The following ABHD2 variants were observed in gnomAD, a reference collection of about 807,000 sequenced individuals.
ABHD2 encodes monoacylglycerol lipase ABHD2.
Under a neutral mutation model 48.1 loss-of-function variants are expected in ABHD2, and 20 were observed. The ratio of observed to expected loss-of-function variants is 0.42; its 90% CI spans 0.29 to 0.60. The LOEUF (loss-of-function observed/expected upper bound fraction) is 0.60. Among genes scored for constraint, ABHD2 ranks in the 20% least tolerant of loss-of-function variants. The pLI is 0.24. For missense variants in ABHD2, 405 were observed against 550.9 expected (o/e 0.74, Z 2.65); for synonymous variants, 209 against 214.2 (o/e 0.98, Z 0.21).
chr15:89,165,734 A>G (rs1023762955), intron 5 of ABHD2, among the ~76,000 whole-genome samples: 1 of 152,268 alleles, frequency 6.6e-6, no homozygotes, highest in Non-Finnish European at 1.5e-5. Flanking sequence ...TTTATTATAA[A>G]GAGCCTAATC....
chr15:89,150,780 T>C (rs2050577662), intron 3 of ABHD2, among the ~76,000 whole-genome samples: 1 of 152,238 alleles, frequency 6.6e-6, no homozygotes, highest in Non-Finnish European at 1.5e-5. Context: ...CATTTTATAT[T>C]ATACGACTCC....
intron 3 of ABHD2, among the ~76,000 whole-genome samples, chr15:89,144,699 G>A (rs1428980659): frequency 6.6e-6 from 1 of 152,166 alleles, no homozygotes; most frequent in Admixed American, 6.5e-5. Context: ...GGAGAAAATG[G>A]GAAGTGACTG....
chr15:89,127,341 G>A (rs2050144873), intron 3 of ABHD2, among the ~76,000 whole-genome samples: 1 of 152,058 alleles, frequency 6.6e-6, no homozygotes, highest in African/African-American at 2.4e-5. Flanking sequence ...CAAAACATTT[G>A]GGAACCCTGC....
intron 3 of ABHD2, among the ~76,000 whole-genome samples, chr15:89,147,523 T>A (rs1297443580): frequency 6.6e-6 from 1 of 151,274 alleles, no homozygotes; most frequent in Non-Finnish European, 1.5e-5. Context: ...CCGGCTAATT[T>A]TTTGTATTTT....
rs115295866 is a variant in ABHD2, at chr15:89,198,801, G to A, written c.*3378G>A. On this transcript the variant is annotated 3_prime_UTR_variant, in exon 11 of 11. Coordinates refer to ENST00000352732, the MANE Select transcript of ABHD2 (RefSeq NM_152924.5). The surrounding 1 kb of genome is among the most constrained non-coding windows in gnomAD (Gnocchi z 5.1). ...GGAAACAGCTGTGTCAAGGCTCAAG[G>A]CTCACGCTGAGGGGACTTGGAGGGA... is the stretch of plus-strand genomic sequence containing the variant. 1.8e-4 allele frequency: 27 copies of A among 152,360 alleles called. No individual in the cohort carries two copies. Among genetic ancestry groups the A allele is most frequent in the African/African-American group, 6.5e-4 (27 of 41,572 alleles). 9.4% of individuals were successfully genotyped at this position (152,360 alleles called of 1,614,324 possible).
rs2051465208 is a variant in ABHD2 at position 89,201,513 on chromosome 15, A to G, written c.*6090A>G. On this transcript the variant is annotated 3_prime_UTR_variant, in exon 11 of 11. Transcript: ENST00000352732. ...AAGTGTTTAGTGGAGCAAAAATTGT[A>G]CCATAAACTTGTGTTTACTCTTTTC... 2.5e-6 allele frequency: 4 copies of G among 1,591,790 alleles called. No homozygotes were observed. Among genetic ancestry groups the G allele is most frequent in the Non-Finnish European group, 3.4e-6 (4 of 1,160,048 alleles).
chr15:89,148,183 AC>A (rs2050529798), intron 3 of ABHD2, among the ~76,000 whole-genome samples: 1 of 151,900 alleles, frequency 6.6e-6, no homozygotes, highest in African/African-American at 2.4e-5. Flanking sequence ...ATTGGAGAAA[AC>A]ATTTGTAACA....
chr15:89,152,596 A>G (rs2050611519), intron 4 of ABHD2, among the ~76,000 whole-genome samples: 1 of 152,132 alleles, frequency 6.6e-6, no homozygotes, highest in African/African-American at 2.4e-5. Flanking sequence ...TGATGAGGAA[A>G]CTGAAGCTCG....
chr15:89,152,162 G>A (rs975284421), intron 4 of ABHD2, among the ~76,000 whole-genome samples: 4 of 150,934 alleles, frequency 2.7e-5, no homozygotes, highest in Admixed American at 1.3e-4. Context: ...TGCAAGCTCC[G>A]CCTCCCAGGT....
chr15:89,175,814 T>C lies in ABHD2; in HGVS notation c.541T>C (p.Cys181Arg). ...CAATCTCACCCTTTTGCCCACAGGC[T>C]GCACGTGGGAATTTGGAGCCATGGT... is the stretch of plus-strand genomic sequence containing the variant. ...LTSPRMFTYG[C>R]TWEFGAMVNY... Residue 181 changes from cysteine to arginine, a missense_variant and splice_region_variant, in exon 6 of 11, where the codon TGC (cysteine) becomes CGC (arginine). Physicochemically the swap from Cys to Arg is radical, Grantham distance 180. Transcript: ENST00000352732. This position sits in a 1 kb window ranked among gnomAD's most constrained non-coding sequence, Gnocchi z 5.7. The C allele has an allele frequency of 1.2e-6, 2 of 1,614,106 alleles. No homozygotes were observed. The highest frequency in any genetic ancestry group is 1.7e-6 in the Non-Finnish European group (2 of 1,179,974).
chr15:89,066,954 G>A, the ABHD2 span, among the ~76,000 whole-genome samples: 1 of 152,202 alleles, frequency 6.6e-6, no homozygotes, highest in Non-Finnish European at 1.5e-5. Flanking sequence ...TACTTAGGGA[G>A]TTTGGACTCT....
rs1465192033 is a variant in ABHD2, at chr15:89,199,404, A to G, written c.*3981A>G. ...GCATTTCACTGTAGCATTCTATCAC[A>G]ATATCATCTGGAATTGTTTTCTTTG... is the stretch of plus-strand genomic sequence containing the variant. On this transcript the variant is annotated 3_prime_UTR_variant, in exon 11 of 11. Coordinates refer to ENST00000352732, the MANE Select transcript of ABHD2 (RefSeq NM_152924.5). This position sits in a 1 kb window ranked among gnomAD's most constrained non-coding sequence, Gnocchi z 4.1. The G allele has an allele frequency of 6.6e-6, 1 of 152,568 alleles. No homozygotes were observed. The highest frequency in any genetic ancestry group is 1.5e-5 in the Non-Finnish European group (1 of 68,034). The allele number at this position is 152,568 out of a possible 1,614,324, so 9.5% of individuals were successfully genotyped here. A position where few individuals can be genotyped will look rare whatever the true frequency, so the allele number is the denominator to read the frequency against.
In ABHD2 at chr15:89,189,287, C is replaced by G. The variant is rs994219201; in HGVS notation, c.926+984C>G. Among the ~76,000 whole-genome samples, 1 of 152,084 alleles carries G rather than the reference C, an allele frequency of 6.6e-6. No homozygotes were observed. Among genetic ancestry groups the G allele is most frequent in the Admixed American group, 6.5e-5 (1 of 15,268 alleles). On this transcript the variant is annotated intron_variant, in intron 8 of 10. Coordinates refer to ENST00000352732, the MANE Select transcript of ABHD2 (RefSeq NM_152924.5). This position sits in a 1 kb window ranked among gnomAD's most constrained non-coding sequence, Gnocchi z 4.9. ...ATCACATGAGGCAAGGAGTTTGAGA[C>G]CAGCCTGGGCAACATAGCAAGTCCC...
At chr15:89,089,476 A>T (rs1901505625) in intron 1 of ABHD2, among the ~76,000 whole-genome samples, 1 of 152,232 alleles carries the variant, frequency 6.6e-6, no homozygotes, top group Non-Finnish European at 1.5e-5. Context: ...AGCCACTGTG[A>T]AACTCCTTGT....
At position 89,097,411 on chromosome 15, in the gene ABHD2, C is replaced by A. The variant is rs1038564498; in HGVS notation, c.-107+8848C>A. ...ATCCTTTAATATCATCAAATATCAT[C>A]ATTGTTCAAATTTCCAATTGTTTAA... On this transcript the variant is annotated intron_variant, in intron 1 of 10. Coordinates refer to ENST00000352732, the MANE Select transcript of ABHD2 (RefSeq NM_152924.5). This position sits in a 1 kb window ranked among gnomAD's most constrained non-coding sequence, Gnocchi z 4.2. 2.6e-5 allele frequency among the ~76,000 whole-genome samples: 4 copies of A among 152,184 alleles called. No homozygotes were observed. The highest frequency in any genetic ancestry group is 2.6e-4 in the Admixed American group (4 of 15,276).
In ABHD2 at chr15:89,114,481, T is replaced by C. The variant is rs2049924783; in HGVS notation, c.-7+657T>C. On this transcript the variant is annotated intron_variant, in intron 2 of 10. Coordinates refer to ENST00000352732, the MANE Select transcript of ABHD2 (RefSeq NM_152924.5). The surrounding 1 kb of genome is among the most constrained non-coding windows in gnomAD (Gnocchi z 4.2). ...CAGAAGTTAAGTTTTTTTTGTTTTG[T>C]TTTTTGTTTTTGTTTTTTTGAGACG... Among the ~76,000 whole-genome samples the C allele has an allele frequency of 6.6e-6, 1 of 151,998 alleles. No homozygotes were observed. The highest frequency in any genetic ancestry group is 1.5e-5 in the Non-Finnish European group (1 of 67,986).
chr15:89,124,884 T>G (rs1305177786), intron 3 of ABHD2, among the ~76,000 whole-genome samples: 1 of 151,774 alleles, frequency 6.6e-6, no homozygotes, highest in Non-Finnish European at 1.5e-5. Flanking sequence ...AGGTCAGGAG[T>G]TCGAGACCAG....
intron 1 of ABHD2, chr15:89,090,518 A>T (rs1437901404): frequency 6.8e-6 from 1 of 146,002 alleles, no homozygotes; most frequent in East Asian, 2.0e-4. Flanking sequence ...CATATTCCAG[A>T]TTTCATTTTA....
chr15:89,159,833 A>T (rs531031628), intron 5 of ABHD2, among the ~76,000 whole-genome samples: 1 of 152,134 alleles, frequency 6.6e-6, no homozygotes, highest in East Asian at 1.9e-4. Flanking sequence ...GTAGTTTATT[A>T]TACTTTAGAA....
Sources: gnomAD v4.1 joint callset for allele counts (sites outside exome capture counted in the v4.1 genomes callset) on GRCh38, gnomAD v4.1.1 for gene constraint, Gnocchi (gnomAD v3.1) non-coding constraint, MANE v1.5 for transcripts, NCBI Gene and HGNC (gene_info 2026-07-23, HGNC 2026-07-21) for gene names.